MYO16: variants seen among roughly 807,000 people sequenced by gnomAD.
MYO16 encodes the protein unconventional myosin-XVI.
Under a neutral mutation model 205.3 loss-of-function variants are expected in MYO16, and 94 were observed. The observed-to-expected ratio is 0.46, with a 90% CI of 0.39 to 0.54. The LOEUF (loss-of-function observed/expected upper bound fraction) is 0.54, where lower values mean the gene tolerates loss of function less well. Among genes scored for constraint, MYO16 ranks in the 20% least tolerant of loss-of-function variants. The pLI, the probability that MYO16 is intolerant of heterozygous loss-of-function variation, is 0.00. For synonymous variants in MYO16, 988 were observed against 954.0 expected (o/e 1.04, Z -0.66); for missense variants, 2,315 against 2,387.5 (o/e 0.97, Z 0.63).
the MYO16 span, among the ~76,000 whole-genome samples, chr13:108,579,591 C>T: frequency 1.3e-5 from 2 of 152,040 alleles, no homozygotes; most frequent in South Asian, 2.1e-4. Context: ...CAGGCGCCCT[C>T]CATCACATCC....
At chr13:108,542,534 G>T in the MYO16 span, among the ~76,000 whole-genome samples, 2 of 151,992 alleles carry the variant, frequency 1.3e-5, no homozygotes, top group East Asian at 3.8e-4. Flanking sequence ...GACTTTCTTT[G>T]GTGTCTCAAA....
intron 2 of MYO16, among the ~76,000 whole-genome samples, chr13:108,672,245 T>G (rs545794420): frequency 6.6e-6 from 1 of 152,330 alleles, no homozygotes; most frequent in South Asian, 2.1e-4. Context: ...CACTTCATAG[T>G]GGTGATATTT....
intron 7 of MYO16, among the ~76,000 whole-genome samples, chr13:108,818,383 C>CA (rs5806756): frequency 7.0e-6 from 1 of 142,842 alleles, no homozygotes; most frequent in African/African-American, 2.7e-5. Context: ...AACAACGTCT[C>CA]AAAAAAAAAA....
At chr13:108,795,748 A>G (rs562462053) in intron 6 of MYO16, among the ~76,000 whole-genome samples, 1 of 152,348 alleles carries the variant, frequency 6.6e-6, no homozygotes, top group African/African-American at 2.4e-5. Flanking sequence ...TTCTTTTGTC[A>G]TGGATCCACA....
chr13:108,886,089 G>C (rs1482314050), intron 13 of MYO16, among the ~76,000 whole-genome samples: 1 of 152,008 alleles, frequency 6.6e-6, no homozygotes, highest in African/African-American at 2.4e-5. Context: ...CCGGGTTGAC[G>C]TCATTCTCCT....
At chr13:108,714,142 C>A (rs951158962) in intron 3 of MYO16, among the ~76,000 whole-genome samples, 10 of 152,110 alleles carry the variant, frequency 6.6e-5, no homozygotes, top group African/African-American at 2.2e-4. Flanking sequence ...CTGCAAGCTC[C>A]GTCTCCTGGT....
intron 1 of MYO16, among the ~76,000 whole-genome samples, chr13:108,635,642 G>A (rs1048955651): frequency 1.3e-5 from 2 of 151,388 alleles, no homozygotes; most frequent in Non-Finnish European, 2.9e-5. Flanking sequence ...CTGGGACTAC[G>A]GGTGCGTGCC....
At chr13:109,006,301 G>A (rs543579247) in intron 21 of MYO16, among the ~76,000 whole-genome samples, 32 of 152,248 alleles carry the variant, frequency 2.1e-4, no homozygotes, top group African/African-American at 7.5e-4. Flanking sequence ...ATGCAGTGGC[G>A]TGATCTCAGC....
intron 2 of MYO16, among the ~76,000 whole-genome samples, chr13:108,684,738 A>T (rs539632251): frequency 3.9e-5 from 6 of 152,240 alleles, no homozygotes; most frequent in African/African-American, 1.4e-4. Flanking sequence ...TTAATAAGCG[A>T]ACATGCCTAT....
chr13:108,868,107 CT>C (rs1878815073), intron 12 of MYO16, among the ~76,000 whole-genome samples: 1 of 151,600 alleles, frequency 6.6e-6, no homozygotes, highest in Admixed American at 6.6e-5. Flanking sequence ...AAGAATATTA[CT>C]GCTATGAACA....
intron 25 of MYO16, among the ~76,000 whole-genome samples, chr13:109,053,333 G>T (rs1270052146): frequency 1.3e-4 from 20 of 151,892 alleles, no homozygotes; most frequent in Non-Finnish European, 1.3e-4. Context: ...GTGTGAGTGT[G>T]TGCTCCAGCC....
chr13:108,836,485 A>G (rs182630864), intron 9 of MYO16, among the ~76,000 whole-genome samples: 1 of 152,310 alleles, frequency 6.6e-6, no homozygotes, highest in Non-Finnish European at 1.5e-5. Context: ...TAATGGAGCT[A>G]TGAGAAGTGG....
At chr13:108,962,590 C>T (rs1371229687) in intron 19 of MYO16, 95 bp downstream of exon 19, 2 of 885,822 alleles carry the variant, frequency 2.3e-6, no homozygotes, top group Non-Finnish European at 3.5e-6. Context: ...GAAACTATTT[C>T]TATGAATTGA....
At chr13:108,685,668 G>A (rs922022868) in intron 2 of MYO16, among the ~76,000 whole-genome samples, 1 of 152,180 alleles carries the variant, frequency 6.6e-6, no homozygotes, top group African/African-American at 2.4e-5. Context: ...TGCCCAGACT[G>A]CTATCACAAA....
At chr13:108,733,484 A>C (rs1312353922) in intron 4 of MYO16, among the ~76,000 whole-genome samples, 1 of 152,232 alleles carries the variant, frequency 6.6e-6, no homozygotes. Context: ...AAAGGCCAGC[A>C]TCAGAACTTG....
intron 16 of MYO16, among the ~76,000 whole-genome samples, chr13:108,954,312 G>C (rs539438386): frequency 1.3e-5 from 2 of 152,242 alleles, no homozygotes; most frequent in South Asian, 4.1e-4. Context: ...TGCAAAACAA[G>C]TGGCCCCTCA....
Position 109,153,996 on chromosome 13 carries a change from C to T in MYO16, c.5165-10905C>T, listed in dbSNP as rs575427748. Among the ~76,000 whole-genome samples, 15 of 152,266 alleles carry T rather than the reference C, an allele frequency of 9.9e-5. No individual in the cohort carries two copies. The East Asian group carries it at 2.3e-3, about 24-fold the overall frequency. ...TGGCCCATCAGGGGAAATTGGGTCA[C>T]GTGAGCACGTAAAGAATTAGTCACT... On this transcript the variant is annotated intron_variant, in intron 32 of 34. Coordinates refer to ENST00000457511, the MANE Select transcript of MYO16 (RefSeq NM_001198950.3).
At chr13:109,067,433 G>A (rs1887787805) in intron 27 of MYO16, among the ~76,000 whole-genome samples, 2 of 152,160 alleles carry the variant, frequency 1.3e-5, no homozygotes, top group Admixed American at 1.3e-4. Flanking sequence ...TAGGTTCAAA[G>A]TCTCACATCT....
At chr13:108,826,090 A>G (rs890108534) in intron 9 of MYO16, among the ~76,000 whole-genome samples, 1 of 152,128 alleles carries the variant, frequency 6.6e-6, no homozygotes, top group African/African-American at 2.4e-5. Context: ...AAAATCACAT[A>G]ACAATTCAAG....
Sources: allele counts gnomAD v4.1 joint callset (sites outside exome capture counted in the v4.1 genomes callset), GRCh38; gene constraint gnomAD v4.1.1; transcripts MANE v1.5; gene names NCBI Gene and HGNC (gene_info 2026-07-23, HGNC 2026-07-21).